The following RGS7 variants were observed in gnomAD, a reference collection of about 807,000 sequenced individuals.
RGS7 encodes the protein regulator of G-protein signaling 7.
In RGS7, 27 loss-of-function variants were observed where a neutral mutation model predicts 81.1. That is an observed-to-expected ratio of 0.33 (90% CI 0.25 to 0.46). RGS7 has a LOEUF of 0.46. Among genes scored for constraint, RGS7 ranks in the 20% least tolerant of loss-of-function variants. RGS7 has a pLI of 1.00. For synonymous variants in RGS7, 208 were observed against 207.7 expected (o/e 1.00, Z -0.01); for missense variants, 396 against 607.4 (o/e 0.65, Z 3.66).
At chr1:241,111,649 A>G (rs1025895291) in intron 2 of RGS7, among the ~76,000 whole-genome samples, 1 of 152,134 alleles carries the variant, frequency 6.6e-6, no homozygotes, top group African/African-American at 2.4e-5. Flanking sequence ...AAGTGTAAAA[A>G]CAATCCAGTC....
intron 9 of RGS7, among the ~76,000 whole-genome samples, chr1:240,861,416 C>G (rs1468361917): frequency 1.3e-5 from 2 of 152,092 alleles, no homozygotes; most frequent in Non-Finnish European, 2.9e-5. Flanking sequence ...CTGGAAAGAA[C>G]TCTAAAATTA....
chr1:241,106,659 T>C (rs1056967413), intron 2 of RGS7, among the ~76,000 whole-genome samples: 4 of 142,618 alleles, frequency 2.8e-5, no homozygotes, highest in African/African-American at 1.0e-4. Flanking sequence ...GAGGTTGCAG[T>C]GAGCCGAGAT....
intron 2 of RGS7, among the ~76,000 whole-genome samples, chr1:241,122,537 C>T (rs2066357698): frequency 6.6e-6 from 1 of 151,878 alleles, no homozygotes; most frequent in Non-Finnish European, 1.5e-5. Context: ...TGGTGCATGC[C>T]TGTAACCCTA....
At chr1:241,022,559 G>A (rs1158950692) in intron 3 of RGS7, among the ~76,000 whole-genome samples, 1 of 151,942 alleles carries the variant, frequency 6.6e-6, no homozygotes, top group African/African-American at 2.4e-5. Context: ...TGGTCTTATG[G>A]CCCCCATCCA....
At chr1:240,989,585 C>A (rs967146393) in intron 3 of RGS7, among the ~76,000 whole-genome samples, 8 of 152,062 alleles carry the variant, frequency 5.3e-5, no homozygotes, top group Admixed American at 2.0e-4. Flanking sequence ...TACTGAGACA[C>A]CCCATGGTTC....
intron 2 of RGS7, among the ~76,000 whole-genome samples, chr1:241,135,061 CCCTGT>C (rs1445994499): frequency 6.6e-6 from 1 of 152,126 alleles, no homozygotes. Context: ...ACTATAAAAC[CCCTGT>C]CCTGTCCTCA....
In RGS7 at chr1:241,023,540, A is replaced by C. The variant is rs2059642878; in HGVS notation, c.176-40411T>G. Among the ~76,000 whole-genome samples the C allele has an allele frequency of 2.6e-5, 4 of 152,312 alleles. No homozygotes were observed. In the East Asian group the frequency reaches 7.7e-4, roughly 29 times the overall value. ...AGAAAATTAACTTTGTTTTGGGATC[A>C]CGCCAATTGGCAAACATGGATGCCC... On this transcript the variant is annotated intron_variant, in intron 3 of 18. Coordinates refer to ENST00000440928, the MANE Select transcript of RGS7 (RefSeq NM_001364886.1).
chr1:241,016,374 T>C (rs773435467), intron 3 of RGS7, among the ~76,000 whole-genome samples: 4 of 151,926 alleles, frequency 2.6e-5, no homozygotes, highest in Non-Finnish European at 4.4e-5. Flanking sequence ...AAAAATTAGC[T>C]GGGTGTGGCG....
At chr1:241,215,128 A>C (rs1011509296) in intron 2 of RGS7, among the ~76,000 whole-genome samples, 19 of 152,192 alleles carry the variant, frequency 1.2e-4, no homozygotes, top group African/African-American at 4.6e-4. Context: ...AAAATTTTAG[A>C]ATCCATTATC....
At chr1:240,881,305 C>G (rs1454648804) in intron 6 of RGS7, among the ~76,000 whole-genome samples, 1 of 145,022 alleles carries the variant, frequency 6.9e-6, no homozygotes, top group African/African-American at 2.6e-5. Context: ...ACAATGAGAA[C>G]ACTTGGACAC....
At chr1:240,889,022 C>T (rs780316814) in intron 6 of RGS7, among the ~76,000 whole-genome samples, 12 of 152,130 alleles carry the variant, frequency 7.9e-5, no homozygotes, top group Non-Finnish European at 1.5e-4. Flanking sequence ...GTGGTGCGAT[C>T]GCGGCTCACT....
At chr1:241,052,552 T>C (rs2061307142) in intron 3 of RGS7, among the ~76,000 whole-genome samples, 1 of 152,168 alleles carries the variant, frequency 6.6e-6, no homozygotes, top group Non-Finnish European at 1.5e-5. Context: ...ATGCCTTAGC[T>C]TGACCTTCTC....
intron 6 of RGS7, among the ~76,000 whole-genome samples, chr1:240,886,870 T>C (rs1667413254): frequency 6.6e-6 from 1 of 152,220 alleles, no homozygotes; most frequent in Non-Finnish European, 1.5e-5. Context: ...TTCACAGATA[T>C]TCTAGAACAT....
chr1:240,821,558 C>T (rs143006021), intron 10 of RGS7, among the ~76,000 whole-genome samples: 97 of 152,256 alleles, frequency 6.4e-4, no homozygotes, highest in Non-Finnish European at 1.2e-3. Context: ...TGTTCTAAGA[C>T]AAGAGTAGTT....
At chr1:240,830,533 A>T (rs138676796) in intron 9 of RGS7, among the ~76,000 whole-genome samples, 4 of 152,350 alleles carry the variant, frequency 2.6e-5, no homozygotes, top group African/African-American at 7.2e-5. Flanking sequence ...AGCAGCAGAG[A>T]AAGGCCGAGA....
intron 18 of RGS7, among the ~76,000 whole-genome samples, chr1:240,782,295 TGCATGTCA>T (rs1684255852): frequency 6.6e-6 from 1 of 152,250 alleles, no homozygotes; most frequent in Non-Finnish European, 1.5e-5. Flanking sequence ...GTACGGTATT[TGCATGTCA>T]GCCATTTTGG....
At chr1:241,084,027 C>G (rs965008201) in intron 3 of RGS7, among the ~76,000 whole-genome samples, 3 of 152,162 alleles carry the variant, frequency 2.0e-5, no homozygotes, top group African/African-American at 7.2e-5. Flanking sequence ...ATATAATAAG[C>G]AGGCTTAAGT....
At chr1:241,134,007 T>A (rs2067306961) in intron 2 of RGS7, among the ~76,000 whole-genome samples, 1 of 152,172 alleles carries the variant, frequency 6.6e-6, no homozygotes, top group Admixed American at 6.5e-5. Context: ...AAGCAGTAAG[T>A]CCACGACATC....
chr1:240,815,840 G>A (rs987316968), intron 11 of RGS7, among the ~76,000 whole-genome samples: 4 of 152,168 alleles, frequency 2.6e-5, no homozygotes, highest in South Asian at 2.1e-4. Context: ...ATGGCTGTAC[G>A]CCAGTGGTGA....
Sources: gnomAD v4.1 joint callset for allele counts (sites outside exome capture counted in the v4.1 genomes callset) on GRCh38, gnomAD v4.1.1 for gene constraint, MANE v1.5 for transcripts, NCBI Gene and HGNC (gene_info 2026-07-23, HGNC 2026-07-21) for gene names.